NUFIP2: variants seen among roughly 807,000 people sequenced by gnomAD.
NUFIP2 encodes FMR1-interacting protein NUFIP2.
Under a neutral mutation model 56.9 loss-of-function variants are expected in NUFIP2, and 6 were observed. The ratio of observed to expected loss-of-function variants is 0.11; its 90% confidence interval spans 0.06 to 0.21. NUFIP2 has a LOEUF of 0.21. NUFIP2 is among the 10% of genes least tolerant of loss of function. NUFIP2 has a pLI of 1.00. For missense variants in NUFIP2, 828 were observed against 826.8 expected, an observed-to-expected ratio of 1.00 and a Z score of -0.02; for synonymous variants, 321 against 298.2, an observed-to-expected ratio of 1.08 and a Z score of -0.79.
chr17:29,293,882 G>A lies in NUFIP2; in HGVS notation c.178C>T (p.His60Tyr), dbSNP rs1392290945. Residue 60 changes from histidine to tyrosine, a missense_variant, in exon 1 of 4, where the codon CAT (histidine) becomes TAT (tyrosine). Physicochemically the swap from His to Tyr is moderately conservative, Grantham distance 83 (BLOSUM62 2). Coordinates refer to ENST00000225388, the MANE Select transcript of NUFIP2 (RefSeq NM_020772.3). ...HHQQPHQYLQ[H>Y]GAEGSPKAQP... ...GCCTTGGGGCTGCCCTCGGCTCCATGCTGCAGGTATTGGTGAGGCTGCTGG... is the reference window on the plus strand; with the variant it reads ...GCCTTGGGGCTGCCCTCGGCTCCATACTGCAGGTATTGGTGAGGCTGCTGG... 4 of 1,613,974 alleles carry A rather than the reference G, an allele frequency of 2.5e-6. No individual in the cohort carries two copies. The highest frequency in any genetic ancestry group is 3.4e-6 in the Non-Finnish European group (4 of 1,179,934).
Position 29,267,545 on chromosome 17 carries a change from A to AG in NUFIP2, c.2003-16dup. 6.6e-7 allele frequency: 1 copy of AG among 1,510,042 alleles called. No homozygotes were observed. The highest frequency in any genetic ancestry group is 1.8e-5 in the Admixed American group (1 of 56,268). The allele number at this position is 1,510,042 out of a possible 1,614,324, so 93.5% of individuals were successfully genotyped here. ...AGATTCCATTTCTGCAAAGAAAAAAAGAGAATTACATACTAAGTTTTGGTG... is the reference window on the plus strand; with the variant it reads ...AGATTCCATTTCTGCAAAGAAAAAAAGGAGAATTACATACTAAGTTTTGGTG... On this transcript the variant is annotated splice_polypyrimidine_tract_variant and intron_variant, in intron 2 of 3. Transcript: ENST00000225388.
At chr17:29,281,131 T>A (rs189190705) in intron 2 of NUFIP2, among the ~76,000 whole-genome samples, 1 of 146,730 alleles carries the variant, frequency 6.8e-6, no homozygotes, top group African/African-American at 2.5e-5. Flanking sequence ...ACCGTCACTA[T>A]ATGTATATAT....
At chr17:29,268,493 C>T (rs549543516) in intron 2 of NUFIP2, among the ~76,000 whole-genome samples, 2 of 152,196 alleles carry the variant, frequency 1.3e-5, no homozygotes, top group African/African-American at 4.8e-5. Flanking sequence ...CTCTAAACCA[C>T]ACCTCTTTTT....
In NUFIP2 at chr17:29,286,851, T is replaced by A. The variant is rs751544944; in HGVS notation, c.1143A>T (p.Ser381=). The change falls in exon 2 of 4, where the codon TCA becomes TCT. Residue 381 remains serine (S), a synonymous_variant. Coordinates refer to ENST00000225388, the MANE Select transcript of NUFIP2 (RefSeq NM_020772.3). ...QNSSVSPTSS[S]SSSSSTGETQ... is the part of the protein sequence containing the mutation. ...TTTCCCCGGTAGATGATGAAGATGATGAAGATGAAGTTGGTGACACAGAAG... is the reference window on the plus strand; with the variant it reads ...TTTCCCCGGTAGATGATGAAGATGAAGAAGATGAAGTTGGTGACACAGAAG... 1.9e-6 allele frequency: 3 copies of A among 1,613,930 alleles called. No individual in the cohort carries two copies. Among genetic ancestry groups the A allele is most frequent in the East Asian group, 2.2e-5 (1 of 44,894 alleles).
intron 2 of NUFIP2, 104 bp downstream of exon 2, chr17:29,285,886 TAA>T (rs1166667028): frequency 2.2e-6 from 2 of 891,406 alleles, no homozygotes; most frequent in Non-Finnish European, 3.3e-6. Context: ...GTCATTCTCT[TAA>T]AATACTCTTA....
chr17:29,283,404 CAT>C (rs2069152097), intron 2 of NUFIP2, among the ~76,000 whole-genome samples: 2 of 152,146 alleles, frequency 1.3e-5, no homozygotes, highest in Admixed American at 1.3e-4. Flanking sequence ...GTGGTGCAAA[CAT>C]AGCTCACTGC....
intron 1 of NUFIP2, among the ~76,000 whole-genome samples, chr17:29,288,121 G>A (rs759774287): frequency 6.6e-6 from 1 of 152,238 alleles, no homozygotes; most frequent in African/African-American, 2.4e-5. Context: ...TCCGCTCACT[G>A]TAAGCTCCAC....
Position 29,261,840 on chromosome 17 carries a change from T to C in NUFIP2, c.*2699A>G, listed in dbSNP as rs1394398649. The stretch of plus-strand genomic sequence containing the variant: ...TGGGGCACTAGGGTTCTCAGAAAGT[T>C]AACAGACATTCCTAACTACATACCT... On this transcript the variant is annotated 3_prime_UTR_variant, in exon 4 of 4. Transcript: ENST00000225388. The C allele has an allele frequency of 6.6e-6, 1 of 152,572 alleles. No individual in the cohort carries two copies. Among genetic ancestry groups the C allele is most frequent in the African/African-American group, 2.4e-5 (1 of 41,420 alleles). 9.5% of individuals were successfully genotyped at this position (152,572 alleles called of 1,614,324 possible).
At position 29,262,270 on chromosome 17, in the gene NUFIP2, A is replaced by C. The variant is rs1475560978; in HGVS notation, c.*2269T>G. 6.6e-6 allele frequency: 1 copy of C among 152,644 alleles called. No homozygotes were observed. Among genetic ancestry groups the C allele is most frequent in the East Asian group, 1.9e-4 (1 of 5,204 alleles). 9.5% of individuals were successfully genotyped at this position (152,644 alleles called of 1,614,324 possible). On this transcript the variant is annotated 3_prime_UTR_variant, in exon 4 of 4. Transcript: ENST00000225388. ...GACTAGAGAGGGGAATCTGGCCCTA[A>C]GGCGACAAGTGGTTACACAAGGCAA...
chr17:29,294,076 TC>T lies in NUFIP2; in HGVS notation c.-18del, dbSNP rs1567684114. 5 of 1,580,436 alleles carry T rather than the reference TC, an allele frequency of 3.2e-6. No individual in the cohort carries two copies. Among genetic ancestry groups the T allele is most frequent in the Admixed American group, 1.7e-5 (1 of 58,262 alleles). On this transcript the variant is annotated 5_prime_UTR_variant, in exon 1 of 4. Coordinates refer to ENST00000225388, the MANE Select transcript of NUFIP2 (RefSeq NM_020772.3). Reference sequence around the variant, plus strand: ...CTCCTCCATTGAAAGCGGCTGGGACTCCCTGGCTGAGGCTGCGGGCTGCTGC... The same window carrying T: ...CTCCTCCATTGAAAGCGGCTGGGACTCCTGGCTGAGGCTGCGGGCTGCTGC...
In NUFIP2 at chr17:29,262,177, T is replaced by G. The variant is rs2069007219; in HGVS notation, c.*2362A>C. 6.6e-6 allele frequency: 1 copy of G among 152,552 alleles called. No homozygotes were observed. Among genetic ancestry groups the G allele is most frequent in the Non-Finnish European group, 1.5e-5 (1 of 68,002 alleles). 9.4% of individuals were successfully genotyped at this position (152,552 alleles called of 1,614,324 possible). On this transcript the variant is annotated 3_prime_UTR_variant, in exon 4 of 4. Coordinates refer to ENST00000225388, the MANE Select transcript of NUFIP2 (RefSeq NM_020772.3). Reference sequence around the variant, plus strand: ...TCTGTATGTCACAAACCCAGAAAGTTTCTTGTGAGTTGTGAGACGGAAGAA... The same window carrying G: ...TCTGTATGTCACAAACCCAGAAAGTGTCTTGTGAGTTGTGAGACGGAAGAA...
chr17:29,267,713 T>C (rs1427561481), intron 2 of NUFIP2, among the ~76,000 whole-genome samples, 183 bp from the exon 3 acceptor site: 1 of 152,110 alleles, frequency 6.6e-6, no homozygotes, highest in Non-Finnish European at 1.5e-5. Context: ...TTCTTTTTTT[T>C]AAGAGACAGG....
chr17:29,270,717 C>T (rs1013491245), intron 2 of NUFIP2, among the ~76,000 whole-genome samples: 9 of 151,900 alleles, frequency 5.9e-5, no homozygotes, highest in Non-Finnish European at 1.3e-4. Context: ...TAGTGGCTCA[C>T]GCCTGTAATC....
chr17:29,281,756 C>T (rs797966), intron 2 of NUFIP2, among the ~76,000 whole-genome samples: 56,322 of 140,688 alleles, frequency 0.4, 11,694 homozygotes, highest in East Asian at 0.53. Flanking sequence ...CCACACAAAT[C>T]CCGCCACCCC....
rs1370199025 is a variant in NUFIP2 at position 29,280,596 on chromosome 17, G to A, written c.2002+5396C>T. Among the ~76,000 whole-genome samples the A allele has an allele frequency of 2.0e-5, 3 of 151,930 alleles. No homozygotes were observed. In the East Asian group the frequency reaches 5.8e-4, roughly 29 times the overall value. On this transcript the variant is annotated intron_variant, in intron 2 of 3. Transcript: ENST00000225388. ...AGCTACACAGGAGGCTGAGGCGGGAGGATTCCTTAAGCCCAGGAGTTCAAG... is the reference window on the plus strand; with the variant it reads ...AGCTACACAGGAGGCTGAGGCGGGAAGATTCCTTAAGCCCAGGAGTTCAAG...
chr17:29,278,986 A>G (rs1338537602), intron 2 of NUFIP2, among the ~76,000 whole-genome samples: 1 of 152,166 alleles, frequency 6.6e-6, no homozygotes, highest in African/African-American at 2.4e-5. Context: ...CCTCATAAAC[A>G]AGTACCCTTT....
chr17:29,268,933 T>C (rs569100143), intron 2 of NUFIP2, among the ~76,000 whole-genome samples: 9 of 152,292 alleles, frequency 5.9e-5, no homozygotes, highest in African/African-American at 1.4e-4. Flanking sequence ...ATGTCTACAA[T>C]GTGCTTAGTT....
intron 1 of NUFIP2, among the ~76,000 whole-genome samples, chr17:29,292,984 C>A (rs1443465879): frequency 2.0e-5 from 3 of 150,718 alleles, no homozygotes; most frequent in African/African-American, 4.9e-5. Context: ...TCCGCCGCCC[C>A]GTGTGGCCCT....
In NUFIP2 at chr17:29,286,517, G is replaced by C; in HGVS notation, c.1477C>G (p.Gln493Glu). 6.2e-7 allele frequency: 1 copy of C among 1,614,120 alleles called. No homozygotes were observed. The highest frequency in any genetic ancestry group is 8.5e-7 in the Non-Finnish European group (1 of 1,180,008). ...TCCCCCAGGTTTTGCTGATCTGTCT[G>C]AGAGGGCAGATCCACTTGTGCTGTG... Reference protein sequence around the residue: ...LSTAQVDLPSQTDQQNLGDIF... With the variant: ...LSTAQVDLPSETDQQNLGDIF... Residue 493 changes from glutamine to glutamate, a missense_variant, in exon 2 of 4, where the codon CAG (glutamine) becomes GAG (glutamate). This residue lies in a region of NUFIP2 where 404 missense variants were observed against 380.3 expected (regional missense o/e 1.06). Coordinates refer to ENST00000225388, the MANE Select transcript of NUFIP2 (RefSeq NM_020772.3).
Sources: allele counts gnomAD v4.1 joint callset (sites outside exome capture counted in the v4.1 genomes callset), GRCh38; gene constraint gnomAD v4.1.1; regional missense constraint gnomAD v4.1.1; transcripts MANE v1.5; gene names NCBI Gene and HGNC (gene_info 2026-07-23, HGNC 2026-07-21).